ABTB3: variants seen among roughly 807,000 people sequenced by gnomAD.
The protein encoded by ABTB3 is ankyrin repeat and BTB domain containing 3.
At chr12:107,437,092 G>C in the ABTB3 span, among the ~76,000 whole-genome samples, 1 of 152,164 alleles carries the variant, frequency 6.6e-6, no homozygotes, top group South Asian at 2.1e-4. Flanking sequence ...CTGTGGATGG[G>C]TGTGTTCCAT....
At chr12:107,551,161 A>G in the ABTB3 span, among the ~76,000 whole-genome samples, 2 of 152,338 alleles carry the variant, frequency 1.3e-5, no homozygotes, top group Admixed American at 1.3e-4. Flanking sequence ...TTCCTGAGGG[A>G]GCAATCACAT....
At chr12:107,426,487 C>G in the ABTB3 span, among the ~76,000 whole-genome samples, 1 of 152,128 alleles carries the variant, frequency 6.6e-6, no homozygotes, top group Non-Finnish European at 1.5e-5. Flanking sequence ...CTGCTGGCCT[C>G]TCTTCCTGCT....
chr12:107,495,633 G>A, the ABTB3 span, among the ~76,000 whole-genome samples: 1 of 152,214 alleles, frequency 6.6e-6, no homozygotes, highest in Admixed American at 6.5e-5. Context: ...CTCAGGGCCT[G>A]CCCTCCATGA....
the ABTB3 span, among the ~76,000 whole-genome samples, chr12:107,470,528 C>T: frequency 2.0e-5 from 3 of 152,182 alleles, no homozygotes; most frequent in Non-Finnish European, 2.9e-5. Context: ...CCAAGCCACC[C>T]CCATCCCCAG....
chr12:107,336,465 G>C, the ABTB3 span, among the ~76,000 whole-genome samples: 103 of 115,120 alleles, frequency 8.9e-4, 3 homozygotes, highest in East Asian at 0.021. Context: ...AGTTCTCTCT[G>C]AGCCTCAGTT....
At chr12:107,555,313 G>A in the ABTB3 span, among the ~76,000 whole-genome samples, 1 of 152,178 alleles carries the variant, frequency 6.6e-6, no homozygotes, top group South Asian at 2.1e-4. Context: ...GGCCTCCAGG[G>A]CTTGTCAAAC....
the ABTB3 span, among the ~76,000 whole-genome samples, chr12:107,423,127 C>T: frequency 1.3e-5 from 2 of 152,154 alleles, no homozygotes; most frequent in Admixed American, 1.3e-4. Context: ...TGTCCCTTCC[C>T]CCCTAAAGTT....
At chr12:107,343,752 T>C in the ABTB3 span, among the ~76,000 whole-genome samples, 2 of 152,164 alleles carry the variant, frequency 1.3e-5, no homozygotes, top group East Asian at 3.9e-4. Flanking sequence ...CTTATAGTCA[T>C]GGCAGAAGAC....
At chr12:107,519,359 G>A in the ABTB3 span, among the ~76,000 whole-genome samples, 1 of 127,034 alleles carries the variant, frequency 7.9e-6, no homozygotes, top group African/African-American at 3.0e-5. Context: ...GTCTTGCTCT[G>A]TTGCCTAGGC....
the ABTB3 span, among the ~76,000 whole-genome samples, chr12:107,389,882 G>GTA: frequency 3.8e-5 from 5 of 131,532 alleles, no homozygotes; most frequent in Non-Finnish European, 1.7e-5. Context: ...GTGTGTGTGT[G>GTA]TATGTATCTG....
the ABTB3 span, among the ~76,000 whole-genome samples, chr12:107,402,188 G>A: frequency 6.6e-6 from 1 of 152,128 alleles, no homozygotes; most frequent in African/African-American, 2.4e-5. Flanking sequence ...TTTACAGATG[G>A]GAAAACTGAG....
At chr12:107,537,285 C>T in the ABTB3 span, among the ~76,000 whole-genome samples, 7 of 151,990 alleles carry the variant, frequency 4.6e-5, no homozygotes, top group African/African-American at 1.7e-4. Flanking sequence ...AACTTACAGC[C>T]AAATCAAGAA....
the ABTB3 span, among the ~76,000 whole-genome samples, chr12:107,369,707 GTTTTTTTTTTT>G: frequency 2.6e-5 from 2 of 76,146 alleles, no homozygotes; most frequent in Non-Finnish European, 4.6e-5. Flanking sequence ...CCCAAACATG[GTTTTTTTTTTT>G]TTTTTTTTTT....
the ABTB3 span, among the ~76,000 whole-genome samples, chr12:107,383,337 G>A: frequency 6.5e-4 from 99 of 152,304 alleles, 1 homozygote; most frequent in Admixed American, 3.0e-3. Context: ...TGTGTGTGCC[G>A]CATTTTGAGA....
chr12:107,330,492 G>A, the ABTB3 span, among the ~76,000 whole-genome samples: 1 of 152,188 alleles, frequency 6.6e-6, no homozygotes, highest in Non-Finnish European at 1.5e-5. Context: ...AAGTCTGAGG[G>A]ACTTCAAATT....
At chr12:107,321,019 A>G in the ABTB3 span, among the ~76,000 whole-genome samples, 1 of 152,154 alleles carries the variant, frequency 6.6e-6, no homozygotes. Flanking sequence ...CTTGTTTTCG[A>G]GAGCTCGCGC....
chr12:107,634,558 A>T, the ABTB3 span, among the ~76,000 whole-genome samples: 1 of 152,222 alleles, frequency 6.6e-6, no homozygotes, highest in East Asian at 1.9e-4. Flanking sequence ...AAAAAGAAAC[A>T]AAATGCTCTG....
the ABTB3 span, among the ~76,000 whole-genome samples, chr12:107,405,587 A>G: frequency 9.2e-5 from 14 of 152,188 alleles, no homozygotes; most frequent in African/African-American, 3.4e-4. Context: ...ATGGCAGGAG[A>G]GCTGCGAATG....
At chr12:107,410,265 G>C in the ABTB3 span, among the ~76,000 whole-genome samples, 3 of 151,466 alleles carry the variant, frequency 2.0e-5, no homozygotes, top group Admixed American at 6.6e-5. Context: ...GCTAAGGAAC[G>C]GGGGCAGAGT....
Sources: gnomAD v4.1 joint callset for allele counts (sites outside exome capture counted in the v4.1 genomes callset) on GRCh38, gnomAD v4.1.1 for gene constraint, MANE v1.5 for transcripts, NCBI Gene and HGNC (gene_info 2026-07-23, HGNC 2026-07-21) for gene names.